The following BACH2 variants were observed in gnomAD, a reference collection of about 807,000 sequenced individuals.
BACH2 encodes transcription regulator protein BACH2.
Under a neutral mutation model 61.8 loss-of-function variants are expected in BACH2, and 5 were observed. The ratio of observed to expected loss-of-function variants is 0.08; its 90% confidence interval spans 0.04 to 0.17. The LOEUF (loss-of-function observed/expected upper bound fraction) is 0.17. Among genes scored for constraint, BACH2 ranks in the 10% least tolerant of loss-of-function variants. BACH2 has a pLI of 1.00. For synonymous variants in BACH2, 446 were observed against 440.1 expected (o/e 1.01, Z -0.17); for missense variants, 824 against 1,091.1 (o/e 0.76, Z 3.45).
rs756544902 is a variant in BACH2, at chr6:89,951,628, C to G, written c.478G>C (p.Ala160Pro). ...TCCTCTTCATCCTCCTCCTCTCCTG[C>G]AGAGTTCTCGCAGTCCTCGTGTGGG... is the stretch of plus-strand genomic sequence containing the variant. ...QRPHEDCENS[A>P]GEEEDEEEET... The change falls in exon 7 of 9, where the codon GCA (alanine) becomes CCA (proline). Residue 160 changes from alanine (A) to proline (P), a missense_variant. Around this residue, in one of 8 missense-constraint regions of BACH2, gnomAD observed 107 missense variants for 121.7 expected, o/e 0.88. Coordinates refer to ENST00000257749, the MANE Select transcript of BACH2 (RefSeq NM_021813.4). The surrounding 1 kb of genome is among the most constrained non-coding windows in gnomAD (Gnocchi z 6.4). The G allele has an allele frequency of 6.2e-7, 1 of 1,614,228 alleles. No homozygotes were observed. The highest frequency in any genetic ancestry group is 1.7e-5 in the Admixed American group (1 of 60,026).
intron 2 of BACH2, among the ~76,000 whole-genome samples, chr6:90,268,727 G>A (rs1479143078): frequency 6.6e-6 from 1 of 151,916 alleles, no homozygotes; most frequent in East Asian, 1.9e-4. Flanking sequence ...AATTAGAGAA[G>A]CAAAACTCTA....
Position 90,207,111 on chromosome 6 carries a change from TTTTTTGTTTTTG to T in BACH2, c.-274-442_-274-431del, listed in dbSNP as rs552794904. Among the ~76,000 whole-genome samples the T allele has an allele frequency of 2.0e-5, 3 of 152,182 alleles. No homozygotes were observed. In the South Asian group the frequency reaches 6.2e-4, roughly 32 times the overall value. The stretch of plus-strand genomic sequence containing the variant: ...TACAGTTTCAGGGTTCTTCTTTGTC[TTTTTTGTTTTTG>T]TTTTTGTTTTTTTGGCATAGAGTCT... On this transcript the variant is annotated intron_variant, in intron 3 of 8. Transcript: ENST00000257749.
chr6:89,989,232 G>A (rs1409715725), intron 6 of BACH2, among the ~76,000 whole-genome samples: 1 of 152,136 alleles, frequency 6.6e-6, no homozygotes. Context: ...TCACACTATT[G>A]TAAAACAAAT....
intron 5 of BACH2, among the ~76,000 whole-genome samples, chr6:90,044,137 A>G (rs140307526): frequency 1.3e-5 from 2 of 152,296 alleles, no homozygotes; most frequent in East Asian, 3.9e-4. Context: ...AGGGCAATAT[A>G]CACACAAACG....
In BACH2 at chr6:90,096,877, A is replaced by T. The variant is rs191731127; in HGVS notation, c.-161-7768T>A. On this transcript the variant is annotated intron_variant, in intron 4 of 8. Coordinates refer to ENST00000257749, the MANE Select transcript of BACH2 (RefSeq NM_021813.4). ...TGGATCTAATCTCTACATTCCCACC[A>T]CCATCCACCTCGTATAAAAATCAAT... Among the ~76,000 whole-genome samples, 5 of 152,166 alleles carry T rather than the reference A, an allele frequency of 3.3e-5. No homozygotes were observed. In the East Asian group the frequency reaches 9.7e-4, roughly 29 times the overall value.
chr6:90,039,601 G>T (rs963444258), intron 5 of BACH2, among the ~76,000 whole-genome samples: 2 of 152,122 alleles, frequency 1.3e-5, no homozygotes, highest in African/African-American at 4.8e-5. Context: ...AGCCAGGATG[G>T]TCTCTATCTC....
In BACH2 at chr6:90,004,947, G is replaced by A. The variant is rs1053905889; in HGVS notation, c.243+3655C>T. Among the ~76,000 whole-genome samples, 3 of 152,136 alleles carry A rather than the reference G, an allele frequency of 2.0e-5. No individual in the cohort carries two copies. In the South Asian group the frequency reaches 6.2e-4, roughly 32 times the overall value. ...TTTTCAGTGGGGAACAAACACTCAA[G>A]TCCTAGAAATCCTAGGGATTGCCAT... On this transcript the variant is annotated intron_variant, in intron 6 of 8. Transcript: ENST00000257749.
chr6:90,117,367 G>A (rs1376011022), intron 4 of BACH2, among the ~76,000 whole-genome samples: 1 of 151,906 alleles, frequency 6.6e-6, no homozygotes, highest in Non-Finnish European at 1.5e-5. Context: ...CCCTCTCTCT[G>A]GCTAACGCAA....
chr6:90,099,208 T>C (rs139484729), intron 4 of BACH2, among the ~76,000 whole-genome samples: 1,628 of 152,272 alleles, frequency 0.011, 40 homozygotes, highest in African/African-American at 0.037. Flanking sequence ...CTCTGTTCAG[T>C]TCGGGACAGG....
intron 6 of BACH2, among the ~76,000 whole-genome samples, chr6:89,981,369 C>T (rs1210855405): frequency 1.3e-5 from 2 of 152,018 alleles, no homozygotes; most frequent in African/African-American, 4.8e-5. Context: ...TATCGATCTC[C>T]TGACCTCGTG....
chr6:90,009,401 T>C (rs1777586235), intron 5 of BACH2, among the ~76,000 whole-genome samples: 2 of 152,228 alleles, frequency 1.3e-5, no homozygotes, highest in South Asian at 4.1e-4. Flanking sequence ...AACCAAACTG[T>C]CTGCACACTG....
chr6:90,245,430 A>T (rs763554855), intron 3 of BACH2, among the ~76,000 whole-genome samples: 1 of 152,204 alleles, frequency 6.6e-6, no homozygotes, highest in Admixed American at 6.5e-5. Flanking sequence ...GTTTCTAACA[A>T]GAAAATTTAA....
At chr6:89,946,862 T>G (rs912241908) in intron 7 of BACH2, among the ~76,000 whole-genome samples, 1 of 152,166 alleles carries the variant, frequency 6.6e-6, no homozygotes, top group African/African-American at 2.4e-5. Context: ...AGCTGATTAT[T>G]GATAAAGGAT....
chr6:90,018,334 G>A (rs1400046631), intron 5 of BACH2, among the ~76,000 whole-genome samples: 1 of 152,010 alleles, frequency 6.6e-6, no homozygotes, highest in African/African-American at 2.4e-5. Context: ...CAGACTCTTA[G>A]TGCTGTCTCT....
In BACH2 at chr6:90,225,081, C is replaced by A. The variant is rs76137697; in HGVS notation, c.-274-18400G>T. ...AAATACATCATAACAACAACAACAA[C>A]AACAACAACAACAACAAACAAGGTT... On this transcript the variant is annotated intron_variant, in intron 3 of 8. Coordinates refer to ENST00000257749, the MANE Select transcript of BACH2 (RefSeq NM_021813.4). Among the ~76,000 whole-genome samples the A allele has an allele frequency of 2.6e-5, 4 of 152,138 alleles. No individual in the cohort carries two copies. The East Asian group carries it at 7.7e-4, about 29-fold the overall frequency.
chr6:90,120,965 G>C (rs561958510), intron 4 of BACH2, among the ~76,000 whole-genome samples: 4 of 152,282 alleles, frequency 2.6e-5, no homozygotes, highest in African/African-American at 9.6e-5. Context: ...ATGAAAGTAA[G>C]TCACTAGAGG....
chr6:90,273,541 G>C (rs956584405), intron 1 of BACH2, among the ~76,000 whole-genome samples: 14 of 152,234 alleles, frequency 9.2e-5, no homozygotes, highest in African/African-American at 3.4e-4. Flanking sequence ...AAACCTGTGT[G>C]CTCACCCTTC....
intron 4 of BACH2, among the ~76,000 whole-genome samples, chr6:90,144,955 T>A (rs1164020567): frequency 6.6e-6 from 1 of 152,184 alleles, no homozygotes; most frequent in Non-Finnish European, 1.5e-5. Context: ...AGCAGCAACA[T>A]CCTTGTAGAC....
rs116088424 is a variant in BACH2 at position 90,004,141 on chromosome 6, C to T, written c.243+4461G>A. On this transcript the variant is annotated intron_variant, in intron 6 of 8. Coordinates refer to ENST00000257749, the MANE Select transcript of BACH2 (RefSeq NM_021813.4). Reference sequence around the variant, plus strand: ...CCAGACAAGAAGATTCCATAATTTCCTTGTTGGCATCTGTGCTTGGCAGTA... The same window carrying T: ...CCAGACAAGAAGATTCCATAATTTCTTTGTTGGCATCTGTGCTTGGCAGTA... Among the ~76,000 whole-genome samples, 522 of 152,278 alleles carry T rather than the reference C, an allele frequency of 3.4e-3. 2 individuals carry two copies. Among genetic ancestry groups the T allele is most frequent in the African/African-American group, 0.012 (485 of 41,558 alleles).
Sources: allele counts gnomAD v4.1 joint callset (sites outside exome capture counted in the v4.1 genomes callset), GRCh38; gene constraint gnomAD v4.1.1; regional missense constraint gnomAD v4.1.1; non-coding constraint Gnocchi (gnomAD v3.1); transcripts MANE v1.5; gene names NCBI Gene and HGNC (gene_info 2026-07-23, HGNC 2026-07-21).